NTNG2: variants seen among roughly 807,000 people sequenced by gnomAD.
NTNG2 encodes the protein netrin-G2.
In NTNG2, 15 loss-of-function variants were observed where a neutral mutation model predicts 47.6. The observed-to-expected ratio is 0.32, with a 90% CI of 0.21 to 0.49. The LOEUF (loss-of-function observed/expected upper bound fraction) is 0.49. Among genes scored for constraint, NTNG2 ranks in the 20% least tolerant of loss-of-function variants. NTNG2 has a pLI of 0.99. For synonymous variants in NTNG2, 307 were observed against 324.6 expected (o/e 0.95, Z 0.58); for missense variants, 578 against 764.6 (o/e 0.76, Z 2.88).
chr9:132,162,655 G>A lies in NTNG2; in HGVS notation c.-484+416G>A, dbSNP rs1182845265. Among the ~76,000 whole-genome samples, 2 of 141,158 alleles carry A rather than the reference G, an allele frequency of 1.4e-5. No individual in the cohort carries two copies. The highest frequency in any genetic ancestry group is 5.2e-5 in the African/African-American group (2 of 38,406). 92.6% of individuals were successfully genotyped at this position (141,158 alleles called of 152,430 possible). ...TTGCAAGGATGCTCGGATGTGTCTC[G>A]GAAAAGGAAACTAACCCTGCTCCCG... is the stretch of plus-strand genomic sequence containing the variant. On this transcript the variant is annotated intron_variant, in intron 1 of 7. Transcript: ENST00000393229. This position sits in a 1 kb window ranked among gnomAD's most constrained non-coding sequence, Gnocchi z 4.6.
At chr9:132,227,380 G>T (rs894045124) in intron 4 of NTNG2, among the ~76,000 whole-genome samples, 1 of 152,194 alleles carries the variant, frequency 6.6e-6, no homozygotes, top group Non-Finnish European at 1.5e-5. Context: ...AACCCGAGAG[G>T]AGCTGCTCAG....
At chr9:132,176,507 G>T (rs58498935) in intron 2 of NTNG2, among the ~76,000 whole-genome samples, 72 of 152,276 alleles carry the variant, frequency 4.7e-4, no homozygotes, top group Non-Finnish European at 9.0e-4. Flanking sequence ...CCACATTGTC[G>T]CATGACTCAG....
At chr9:132,240,428 G>A (rs971498998) in intron 6 of NTNG2, among the ~76,000 whole-genome samples, 2 of 152,188 alleles carry the variant, frequency 1.3e-5, no homozygotes, top group Admixed American at 1.3e-4. Flanking sequence ...CTCCCACAGA[G>A]CCCCAAGGCA....
At chr9:132,229,005 G>A (rs535398609) in intron 4 of NTNG2, among the ~76,000 whole-genome samples, 1 of 152,044 alleles carries the variant, frequency 6.6e-6, no homozygotes, top group Non-Finnish European at 1.5e-5. Flanking sequence ...TCTAGCCAGC[G>A]ATGGATAGAC....
intron 2 of NTNG2, among the ~76,000 whole-genome samples, chr9:132,174,501 C>CCTGA (rs1279458851): frequency 2.0e-5 from 3 of 152,196 alleles, no homozygotes; most frequent in Non-Finnish European, 2.9e-5. Context: ...CCCTTGTGAC[C>CCTGA]CTGAGCCTTG....
In NTNG2 at chr9:132,211,057, C is replaced by T. The variant is rs138727136; in HGVS notation, c.857+12448C>T. ...GCTGCCTTGCACCCCTGCTCACAGA[C>T]GCGGACCCACAGGGTGAGCGGAGGC... On this transcript the variant is annotated intron_variant, in intron 3 of 7. Transcript: ENST00000393229. Among the ~76,000 whole-genome samples the T allele has an allele frequency of 1.6e-4, 24 of 152,306 alleles. No individual in the cohort carries two copies. In the East Asian group the frequency reaches 3.1e-3, roughly 20 times the overall value.
chr9:132,239,210 C>T lies in NTNG2; in HGVS notation c.1161C>T (p.His387=). 1 of 1,613,792 alleles carries T rather than the reference C, an allele frequency of 6.2e-7. No homozygotes were observed. Among genetic ancestry groups the T allele is most frequent in the Non-Finnish European group, 8.5e-7 (1 of 1,180,008 alleles). The stretch of plus-strand genomic sequence containing the variant: ...ACACGCGAGGTCAGCACTGCCAGCA[C>T]TGCCGGCTGGGCTACTACCGCAACG... ...KHNTRGQHCQ[H]CRLGYYRNGS... The change falls in exon 6 of 8, where the codon CAC becomes CAT. Residue 387 remains histidine, a synonymous_variant. Transcript: ENST00000393229.
intron 7 of NTNG2, chr9:132,241,342 A>G: frequency 2.2e-6 from 1 of 454,492 alleles, no homozygotes; most frequent in Non-Finnish European, 3.9e-6. Context: ...GACGGGGCCT[A>G]GCGAGACGGA....
intron 3 of NTNG2, among the ~76,000 whole-genome samples, chr9:132,206,137 C>T (rs946839798): frequency 1.3e-5 from 2 of 152,152 alleles, no homozygotes; most frequent in African/African-American, 4.8e-5. Flanking sequence ...AGAGAAAGAA[C>T]AGCAGATCAC....
intron 2 of NTNG2, among the ~76,000 whole-genome samples, chr9:132,174,314 G>A (rs1564384963): frequency 8.4e-6 from 1 of 118,808 alleles, no homozygotes; most frequent in Non-Finnish European, 1.7e-5. Flanking sequence ...CGGATGAGAC[G>A]GACGGACGGA....
intron 3 of NTNG2, among the ~76,000 whole-genome samples, chr9:132,212,504 C>T (rs1013710136): frequency 6.6e-6 from 1 of 152,190 alleles, no homozygotes; most frequent in East Asian, 1.9e-4. Context: ...GGCCTGATTG[C>T]GTTCCAGGAG....
chr9:132,183,196 G>A (rs1469240045), intron 2 of NTNG2, among the ~76,000 whole-genome samples: 2 of 152,244 alleles, frequency 1.3e-5, no homozygotes, highest in East Asian at 3.9e-4. Context: ...CTCCAGGCTT[G>A]GGAGAGGGCC....
At chr9:132,199,690 C>T (rs563780648) in intron 3 of NTNG2, among the ~76,000 whole-genome samples, 16 of 149,660 alleles carry the variant, frequency 1.1e-4, no homozygotes, top group African/African-American at 3.3e-4. Flanking sequence ...GCCCAAGACC[C>T]GCAGGCAAAC....
At chr9:132,196,154 C>G (rs1043228327) in intron 2 of NTNG2, among the ~76,000 whole-genome samples, 2 of 152,114 alleles carry the variant, frequency 1.3e-5, no homozygotes, top group African/African-American at 4.8e-5. Flanking sequence ...TTGTACAGGT[C>G]TATGGGTTTT....
intron 5 of NTNG2, among the ~76,000 whole-genome samples, chr9:132,234,576 G>T (rs1157328854): frequency 6.6e-6 from 1 of 152,224 alleles, no homozygotes; most frequent in Non-Finnish European, 1.5e-5. Flanking sequence ...AGTCCAGCTG[G>T]GCCTCTGAAC....
chr9:132,223,388 A>G (rs1840493793), intron 3 of NTNG2, among the ~76,000 whole-genome samples: 1 of 152,128 alleles, frequency 6.6e-6, no homozygotes, highest in African/African-American at 2.4e-5. Context: ...GAGGGCTCAG[A>G]TGAAGCACCT....
intron 2 of NTNG2, among the ~76,000 whole-genome samples, chr9:132,187,957 G>A (rs1837532207): frequency 6.6e-6 from 1 of 152,234 alleles, no homozygotes; most frequent in African/African-American, 2.4e-5. Flanking sequence ...CACAGATAGG[G>A]CAAGGCCCTG....
chr9:132,195,824 G>T (rs1173798443), intron 2 of NTNG2, among the ~76,000 whole-genome samples: 6 of 151,828 alleles, frequency 4.0e-5, no homozygotes, highest in Non-Finnish European at 8.8e-5. Context: ...TAGATACAGG[G>T]TCTTGCTGTG....
chr9:132,184,812 C>T (rs1377690066), intron 2 of NTNG2, among the ~76,000 whole-genome samples: 1 of 152,180 alleles, frequency 6.6e-6, no homozygotes, highest in Non-Finnish European at 1.5e-5. Context: ...ATCCCAGCTA[C>T]TTGGGAGGCT....
Sources: gnomAD v4.1 joint callset for allele counts (sites outside exome capture counted in the v4.1 genomes callset) on GRCh38, gnomAD v4.1.1 for gene constraint, Gnocchi (gnomAD v3.1) non-coding constraint, MANE v1.5 for transcripts, NCBI Gene and HGNC (gene_info 2026-07-23, HGNC 2026-07-21) for gene names.